CPA6: variants seen among roughly 807,000 people sequenced by gnomAD.
The protein encoded by CPA6 is carboxypeptidase A6, also known as carboxypeptidase B.
A neutral mutation model predicts 63.3 loss-of-function variants in CPA6; 58 were observed. That is an observed-to-expected ratio of 0.92 (90% CI 0.74 to 1.14). CPA6 has a LOEUF of 1.14. Among genes scored for constraint, CPA6 ranks in the 50% most tolerant of loss-of-function variants. The probability of loss-of-function intolerance (pLI) is 0.00; values close to 1 mark genes in which losing one functional copy is unlikely to be tolerated. For synonymous variants in CPA6, 185 were observed against 179.0 expected, an observed-to-expected ratio of 1.03 and a Z score of -0.27; for missense variants, 565 against 526.6, an observed-to-expected ratio of 1.07 and a Z score of -0.71.
intron 1 of CPA6, among the ~76,000 whole-genome samples, chr8:67,686,695 T>TA (rs1352790498): frequency 6.6e-6 from 1 of 152,242 alleles, no homozygotes; most frequent in Non-Finnish European, 1.5e-5. Flanking sequence ...GGGATTTTGC[T>TA]ATTTCAAACT....
At chr8:67,671,089 A>G (rs112526387) in intron 1 of CPA6, among the ~76,000 whole-genome samples, 10 of 152,324 alleles carry the variant, frequency 6.6e-5, no homozygotes, top group African/African-American at 2.4e-4. Context: ...ACTGATGTGA[A>G]TTCTTATTCT....
At chr8:67,529,887 C>G (rs1812442441) in intron 2 of CPA6, among the ~76,000 whole-genome samples, 2 of 152,132 alleles carry the variant, frequency 1.3e-5, no homozygotes, top group South Asian at 4.1e-4. Context: ...ATGCCCAACT[C>G]TTACTATGAA....
Position 67,531,865 on chromosome 8 carries a change from G to A in CPA6, c.193-13818C>T, listed in dbSNP as rs541253283. On this transcript the variant is annotated intron_variant, in intron 2 of 10. Transcript: ENST00000297770. ...AGAGAATTGATGTCAAATGATCTCTGATTACAATGTAATTAAATTTAGAAA... is the reference window on the plus strand; with the variant it reads ...AGAGAATTGATGTCAAATGATCTCTAATTACAATGTAATTAAATTTAGAAA... Among the ~76,000 whole-genome samples the A allele has an allele frequency of 1.8e-3, 277 of 152,184 alleles. 1 individual carries two copies. The highest frequency in any genetic ancestry group is 6.5e-3 in the African/African-American group (268 of 41,520).
chr8:67,621,974 A>G (rs1815093649), intron 2 of CPA6, among the ~76,000 whole-genome samples: 1 of 152,208 alleles, frequency 6.6e-6, no homozygotes, highest in Non-Finnish European at 1.5e-5. Flanking sequence ...TAGAGCTTTG[A>G]TTCCATCTAT....
At chr8:67,693,909 C>T (rs904260025) in intron 1 of CPA6, among the ~76,000 whole-genome samples, 1 of 152,220 alleles carries the variant, frequency 6.6e-6, no homozygotes. Context: ...ATTCAGGGGC[C>T]TTCTGCCTCA....
intron 6 of CPA6, among the ~76,000 whole-genome samples, chr8:67,492,581 A>G (rs542017153): frequency 1.4e-4 from 22 of 152,282 alleles, no homozygotes; most frequent in Admixed American, 1.3e-3. Flanking sequence ...ATTTCCCAAT[A>G]CATGTATAAC....
chr8:67,630,988 G>A (rs550032169), intron 1 of CPA6, among the ~76,000 whole-genome samples: 13 of 152,182 alleles, frequency 8.5e-5, no homozygotes, highest in African/African-American at 1.2e-4. Flanking sequence ...CCTGCAGCCC[G>A]CCATGACTGA....
intron 2 of CPA6, among the ~76,000 whole-genome samples, chr8:67,570,975 CAT>C (rs1282108158): frequency 6.6e-6 from 1 of 152,060 alleles, no homozygotes. Flanking sequence ...TAAGGACACA[CAT>C]AGACTGAAAG....
chr8:67,720,812 C>T (rs1431853550), intron 1 of CPA6, among the ~76,000 whole-genome samples: 3 of 152,178 alleles, frequency 2.0e-5, no homozygotes, highest in Non-Finnish European at 4.4e-5. Flanking sequence ...GCTCCAGAGC[C>T]TCTTCACCTT....
At chr8:67,658,015 T>G (rs1261596012) in intron 1 of CPA6, among the ~76,000 whole-genome samples, 3 of 152,162 alleles carry the variant, frequency 2.0e-5, no homozygotes, top group Non-Finnish European at 4.4e-5. Flanking sequence ...CACATGCTGG[T>G]TTTTCAGCCA....
At chr8:67,719,144 C>T (rs770838015) in intron 1 of CPA6, among the ~76,000 whole-genome samples, 1 of 151,962 alleles carries the variant, frequency 6.6e-6, no homozygotes, top group Non-Finnish European at 1.5e-5. Context: ...TTTATGAAGC[C>T]CTATGAAAGG....
At chr8:67,568,653 C>T (rs898403517) in intron 2 of CPA6, among the ~76,000 whole-genome samples, 3 of 152,156 alleles carry the variant, frequency 2.0e-5, no homozygotes, top group African/African-American at 7.2e-5. Context: ...ATGAAGAAAG[C>T]CCATGGGAAT....
At chr8:67,548,219 T>TCTCTC (rs1812864259) in intron 2 of CPA6, among the ~76,000 whole-genome samples, 1 of 130,578 alleles carries the variant, frequency 7.7e-6, no homozygotes, top group Non-Finnish European at 1.6e-5. Context: ...CTTCCCCTCT[T>TCTCTC]CTCTCCTCCC....
intron 2 of CPA6, among the ~76,000 whole-genome samples, chr8:67,598,771 C>T (rs1034067538): frequency 2.0e-5 from 3 of 152,094 alleles, no homozygotes; most frequent in East Asian, 1.9e-4. Context: ...TAAACAAATA[C>T]ATTTTTCTCT....
intron 2 of CPA6, among the ~76,000 whole-genome samples, chr8:67,531,241 G>A (rs1426725596): frequency 6.6e-6 from 1 of 151,750 alleles, no homozygotes; most frequent in Non-Finnish European, 1.5e-5. Flanking sequence ...CTAGAAAGCA[G>A]AAAAGAAAAA....
At chr8:67,474,980 C>G (rs928951774) in intron 8 of CPA6, among the ~76,000 whole-genome samples, 1 of 152,118 alleles carries the variant, frequency 6.6e-6, no homozygotes, top group Admixed American at 6.5e-5. Flanking sequence ...GGCAACAGAG[C>G]TAGATCCTAT....
At position 67,649,391 on chromosome 8, in the gene CPA6, C is replaced by T. The variant is rs147217706; in HGVS notation, c.117-25140G>A. Among the ~76,000 whole-genome samples, 585 of 152,288 alleles carry T rather than the reference C, an allele frequency of 3.8e-3. 1 individual carries two copies. The highest frequency in any genetic ancestry group is 6.4e-3 in the Non-Finnish European group (433 of 68,020). Reference sequence around the variant, plus strand: ...GATGTTTTTACTTTAATCCTAACAACAGGATATCCAACAATAATAAATTAC... The same window carrying T: ...GATGTTTTTACTTTAATCCTAACAATAGGATATCCAACAATAATAAATTAC... On this transcript the variant is annotated intron_variant, in intron 1 of 10. Coordinates refer to ENST00000297770, the MANE Select transcript of CPA6 (RefSeq NM_020361.5).
In CPA6 at chr8:67,506,801, A is replaced by G; in HGVS notation, c.622T>C (p.Trp208Arg). The G allele has an allele frequency of 1.2e-6, 2 of 1,610,648 alleles. No homozygotes were observed. Among genetic ancestry groups the G allele is most frequent in the Non-Finnish European group, 1.7e-6 (2 of 1,176,958 alleles). The change falls in exon 6 of 11, where the codon TGG becomes CGG. Residue 208 changes from tryptophan to arginine, a missense_variant. Trp to Arg is a moderately radical substitution (Grantham distance 101). Transcript: ENST00000297770. ...REWIGPAFCQWFVKEALLTYK... is the reference protein window; with the variant it reads ...REWIGPAFCQRFVKEALLTYK... The stretch of plus-strand genomic sequence containing the variant: ...GTTTAACTTACTTCTTTTACAAACC[A>G]CTGACAAAAGGCAGGACCAATCCAT...
At chr8:67,448,695 A>AAAAG (rs896969838) in intron 8 of CPA6, among the ~76,000 whole-genome samples, 3 of 150,422 alleles carry the variant, frequency 2.0e-5, no homozygotes, top group African/African-American at 7.3e-5. Flanking sequence ...AAAAAGAAAA[A>AAAAG]AAAGAAAGAA....
Sources: gnomAD v4.1 joint callset for allele counts (sites outside exome capture counted in the v4.1 genomes callset) on GRCh38, gnomAD v4.1.1 for gene constraint, MANE v1.5 for transcripts, NCBI Gene and HGNC (gene_info 2026-07-23, HGNC 2026-07-21) for gene names.